The following CANX variants were observed in gnomAD, a reference collection of about 807,000 sequenced individuals.
CANX encodes the protein epididymis secretory sperm binding protein.
CANX carries 14 observed loss-of-function variants against 75.7 expected under a neutral mutation model. The observed-to-expected ratio is 0.19, with a 90% CI of 0.12 to 0.29. CANX has a LOEUF of 0.29. CANX is among the 10% of genes least tolerant of loss of function. The pLI is 1.00. For missense variants in CANX, 567 were observed against 713.2 expected, an observed-to-expected ratio of 0.79 and a Z score of 2.34; for synonymous variants, 227 against 236.9, an observed-to-expected ratio of 0.96 and a Z score of 0.38.
In CANX at chr5:179,723,224, G is replaced by GT. The variant is rs536166645; in HGVS notation, c.1398+215dup. On this transcript the variant is annotated intron_variant, in intron 11 of 14. Coordinates refer to ENST00000247461, the MANE Select transcript of CANX (RefSeq NM_001746.4). ...GCTTTAGAGTCTGTTTGTGTTCAGG[G>GT]TTTTTTTTTTATTATTTGTCTGGGT... Among the ~76,000 whole-genome samples the GT allele has an allele frequency of 2.2e-3, 331 of 147,816 alleles. 1 individual carries two copies. Among genetic ancestry groups the GT allele is most frequent in the East Asian group, 0.013 (67 of 5,080 alleles).
intron 10 of CANX, 51 bp downstream of exon 10, chr5:179,720,611 G>A (rs750972230): frequency 1.0e-5 from 16 of 1,561,810 alleles, no homozygotes; most frequent in Non-Finnish European, 1.3e-5. Context: ...TTTGTATTCA[G>A]ATAGAAGTTT....
intron 3 of CANX, among the ~76,000 whole-genome samples, chr5:179,706,712 C>A (rs1010669010): frequency 6.6e-6 from 1 of 152,136 alleles, no homozygotes; most frequent in Non-Finnish European, 1.5e-5. Flanking sequence ...TTGCCTTAGC[C>A]TCCCAAATTG....
chr5:179,698,550 C>G (rs749515114), upstream of CANX: 16 of 1,289,326 alleles, frequency 1.2e-5, 1 homozygote, highest in South Asian at 1.7e-4. Flanking sequence ...CCGTTTGCCC[C>G]GTCAGCGAAG....
chr5:179,678,742 C>T, exon 1 of CANX: 6 of 1,537,072 alleles, frequency 3.9e-6, no homozygotes, highest in Non-Finnish European at 5.2e-6. Flanking sequence ...TGGTCTCAGT[C>T]AGCATGTCTA....
chr5:179,721,385 C>T (rs1778304165), intron 10 of CANX, among the ~76,000 whole-genome samples: 1 of 152,240 alleles, frequency 6.6e-6, no homozygotes, highest in African/African-American at 2.4e-5. Flanking sequence ...CCACTGTGCC[C>T]AGCCAAGAAT....
intron 4 of CANX, among the ~76,000 whole-genome samples, chr5:179,707,570 C>T (rs1240421430): frequency 6.4e-5 from 8 of 124,614 alleles, no homozygotes; most frequent in East Asian, 4.8e-4. Context: ...GGTGACAGAG[C>T]GAGACTCCGT....
upstream of CANX, chr5:179,694,841 C>T (rs552965127): frequency 1.2e-4 from 51 of 430,814 alleles, no homozygotes; most frequent in South Asian, 1.2e-3. Context: ...TCTGTGTGCC[C>T]ACTTTCTCCT....
intron 1 of CANX, among the ~76,000 whole-genome samples, chr5:179,685,443 T>C (rs1207290032): frequency 6.6e-6 from 1 of 151,868 alleles, no homozygotes; most frequent in African/African-American, 2.4e-5. Flanking sequence ...AGACGGTGTT[T>C]CTCTATGTTG....
chr5:179,712,129 T>C (rs1777603099), intron 7 of CANX, among the ~76,000 whole-genome samples: 1 of 151,600 alleles, frequency 6.6e-6, no homozygotes, highest in Admixed American at 6.6e-5. Flanking sequence ...TTTTTTTTTT[T>C]TTTTCTACAA....
chr5:179,715,989 C>G lies in CANX; in HGVS notation c.722-116C>G, dbSNP rs551735842. Reference sequence around the variant, plus strand: ...CCAGGAGCCAGGCATTGTTCTTACCCCAAAGCCTCAGGTCAGACTTCTGCT... The same window carrying G: ...CCAGGAGCCAGGCATTGTTCTTACCGCAAAGCCTCAGGTCAGACTTCTGCT... On this transcript the variant is annotated intron_variant, in intron 7 of 14. Coordinates refer to ENST00000247461, the MANE Select transcript of CANX (RefSeq NM_001746.4). The G allele has an allele frequency of 1.5e-5, 12 of 792,062 alleles. No individual in the cohort carries two copies. In the East Asian group the frequency reaches 3.1e-4, roughly 21 times the overall value. The allele number at this position is 792,062 out of a possible 1,614,324, so 49.1% of individuals were successfully genotyped here.
In CANX at chr5:179,723,736, C is replaced by G; in HGVS notation, c.1475C>G (p.Ala492Gly). The change falls in exon 12 of 15, where the codon GCC becomes GGC. Residue 492 changes from alanine to glycine, a missense_variant. By Grantham distance (60) the Ala-to-Gly change is moderately conservative (BLOSUM62 0). This residue lies in a region of CANX where 167 missense variants were observed against 179.3 expected (regional missense o/e 0.93). Coordinates refer to ENST00000247461, the MANE Select transcript of CANX (RefSeq NM_001746.4). ...TGGGTAGTCTATATTCTAACTGTAG[C>G]CCTTCCTGTGTTCCTGGTTATCCTC... ...WLWVVYILTV[A>G]LPVFLVILFC... 1.2e-6 allele frequency: 2 copies of G among 1,613,458 alleles called. No individual in the cohort carries two copies. Among genetic ancestry groups the G allele is most frequent in the Non-Finnish European group, 8.5e-7 (1 of 1,179,602 alleles).
chr5:179,723,289 C>T (rs775389749), intron 11 of CANX, among the ~76,000 whole-genome samples: 8 of 151,742 alleles, frequency 5.3e-5, no homozygotes, highest in Non-Finnish European at 1.0e-4. Flanking sequence ...TATTTTAATA[C>T]ACTCTTATAT....
chr5:179,700,672 C>T (rs1480695430), intron 1 of CANX: 2 of 153,346 alleles, frequency 1.3e-5, no homozygotes, highest in Non-Finnish European at 2.9e-5. Context: ...TCATTTAGCG[C>T]ATTATCTTCT....
intron 1 of CANX, among the ~76,000 whole-genome samples, chr5:179,702,848 C>T (rs974362680): frequency 1.3e-4 from 19 of 151,860 alleles, no homozygotes; most frequent in Non-Finnish European, 2.9e-5. Context: ...ACTCACACTG[C>T]AAACTCCACT....
At chr5:179,714,500 T>C (rs868381228) in intron 7 of CANX, among the ~76,000 whole-genome samples, 1 of 151,926 alleles carries the variant, frequency 6.6e-6, no homozygotes, top group Non-Finnish European at 1.5e-5. Context: ...TATATCTAAC[T>C]TTTTTATTTT....
At chr5:179,707,457 A>G (rs1293934583) in intron 4 of CANX, among the ~76,000 whole-genome samples, 3 of 151,966 alleles carry the variant, frequency 2.0e-5, no homozygotes, top group South Asian at 2.1e-4. Flanking sequence ...GGCAGCGTGC[A>G]TCTGTAGTCC....
chr5:179,680,925 C>G, intron 1 of CANX: 1 of 1,536,290 alleles, frequency 6.5e-7, no homozygotes, highest in Non-Finnish European at 8.7e-7. Context: ...ACATCCAGGC[C>G]CACCCTTGAG....
chr5:179,697,840 A>AT (rs750727346), upstream of CANX, among the ~76,000 whole-genome samples: 2 of 152,118 alleles, frequency 1.3e-5, no homozygotes, highest in Non-Finnish European at 2.9e-5. Context: ...GTGAGCTAAG[A>AT]TCGCACCACT....
At position 179,707,198 on chromosome 5, in the gene CANX, T is replaced by A; in HGVS notation, c.304+8T>A. 6.6e-7 allele frequency: 1 copy of A among 1,511,070 alleles called. No individual in the cohort carries two copies. Among genetic ancestry groups the A allele is most frequent in the Non-Finnish European group, 9.2e-7 (1 of 1,086,130 alleles). 93.6% of individuals were successfully genotyped at this position (1,511,070 alleles called of 1,614,324 possible). A position where few individuals can be genotyped will look rare whatever the true frequency, so the allele number is the denominator to read the frequency against. ...AAATTGCCAAATATGATGGTGAGAA[T>A]CCCATTTGGTTTAGATATAATAGCA... On this transcript the variant is annotated splice_region_variant and intron_variant, in intron 4 of 14. Coordinates refer to ENST00000247461, the MANE Select transcript of CANX (RefSeq NM_001746.4).
Sources: gnomAD v4.1 joint callset for allele counts (sites outside exome capture counted in the v4.1 genomes callset) on GRCh38, gnomAD v4.1.1 for gene constraint, gnomAD v4.1.1 regional missense constraint, MANE v1.5 for transcripts, NCBI Gene and HGNC (gene_info 2026-07-23, HGNC 2026-07-21) for gene names.